ANKRD44: variants seen among roughly 807,000 people sequenced by gnomAD.
ANKRD44 encodes serine/threonine-protein phosphatase 6 regulatory ankyrin repeat subunit B.
ANKRD44 carries 35 observed loss-of-function variants against 116.0 expected under a neutral mutation model. The observed-to-expected ratio is 0.30, with a 90% CI of 0.23 to 0.40. The LOEUF is 0.40. Among genes scored for constraint, ANKRD44 ranks in the 10% least tolerant of loss-of-function variants. The pLI is 1.00. For missense variants in ANKRD44, 1,014 were observed against 1,242.6 expected, an observed-to-expected ratio of 0.82 and a Z score of 2.77; for synonymous variants, 435 against 461.8, an observed-to-expected ratio of 0.94 and a Z score of 0.74.
At chr2:197,039,976 C>T (rs1196179923) in intron 16 of ANKRD44, among the ~76,000 whole-genome samples, 1 of 151,054 alleles carries the variant, frequency 6.6e-6, no homozygotes, top group Non-Finnish European at 1.5e-5. Flanking sequence ...TGCCTATAAT[C>T]CCAGCACTTT....
chr2:197,307,851 A>G (rs1275584848), intron 1 of ANKRD44, among the ~76,000 whole-genome samples: 1 of 152,220 alleles, frequency 6.6e-6, no homozygotes, highest in African/African-American at 2.4e-5. Context: ...GCAAAAATCA[A>G]GATTCACTTC....
intron 4 of ANKRD44, chr2:197,135,881 T>C (rs2079204358): frequency 6.6e-6 from 1 of 152,656 alleles, no homozygotes; most frequent in Non-Finnish European, 1.5e-5. Flanking sequence ...TCTCAAATCA[T>C]GGACTCAGCT....
chr2:197,129,010 T>C (rs1265284836), intron 4 of ANKRD44, among the ~76,000 whole-genome samples: 1 of 152,108 alleles, frequency 6.6e-6, no homozygotes, highest in African/African-American at 2.4e-5. Context: ...CATGAAATTA[T>C]CAAATTGCCC....
chr2:197,234,030 A>C (rs1417806302), intron 1 of ANKRD44, among the ~76,000 whole-genome samples: 1 of 152,192 alleles, frequency 6.6e-6, no homozygotes, highest in East Asian at 1.9e-4. Flanking sequence ...TTAACAAAAA[A>C]CTTAAATAAA....
intron 14 of ANKRD44, among the ~76,000 whole-genome samples, chr2:197,082,954 T>C (rs75802182): frequency 0.041 from 6,175 of 152,352 alleles, 162 homozygotes; most frequent in Middle Eastern, 0.082. Context: ...TTACATGTAC[T>C]AATGCTGAAT....
intron 21 of ANKRD44, among the ~76,000 whole-genome samples, chr2:196,974,880 A>G: frequency 6.6e-6 from 1 of 150,578 alleles, no homozygotes; most frequent in East Asian, 1.9e-4. Context: ...ACAGAGTGAG[A>G]CTCCATCTCA....
intron 1 of ANKRD44, among the ~76,000 whole-genome samples, chr2:197,269,548 G>A (rs1574407183): frequency 6.6e-6 from 1 of 152,210 alleles, no homozygotes; most frequent in South Asian, 2.1e-4. Context: ...GAAAGGAAAA[G>A]AGGGGGCAGG....
rs562142159 is a variant in ANKRD44 at position 197,112,109 on chromosome 2, T to C, written c.907-1265A>G. On this transcript the variant is annotated intron_variant, in intron 8 of 27. Transcript: ENST00000282272. Reference sequence around the variant, plus strand: ...CTGAAAATAGGCCCAAAAGAAAATATTACTGTTATTTTAGAATAAAAGTAT... The same window carrying C: ...CTGAAAATAGGCCCAAAAGAAAATACTACTGTTATTTTAGAATAAAAGTAT... 5.3e-5 allele frequency among the ~76,000 whole-genome samples: 8 copies of C among 152,288 alleles called. No individual in the cohort carries two copies. In the East Asian group the frequency reaches 1.5e-3, roughly 29 times the overall value.
intron 4 of ANKRD44, chr2:197,136,375 G>T: frequency 1.8e-6 from 1 of 569,330 alleles, no homozygotes. Flanking sequence ...TCAGGATCAT[G>T]CTGTCCATGT....
chr2:197,103,426 TA>T (rs1201911454), intron 9 of ANKRD44, among the ~76,000 whole-genome samples: 11 of 152,030 alleles, frequency 7.2e-5, no homozygotes, highest in African/African-American at 2.7e-4. Flanking sequence ...GTTGACTGAC[TA>T]AATAAATGTT....
chr2:196,995,411 G>T lies in ANKRD44; in HGVS notation c.2799C>A (p.Ser933Arg). Reference sequence around the variant, plus strand: ...GTGCATTATTTTTTTCATTAATAAGGCTCTCGTCTTGTATCTTGTCAAGTA... The same window carrying T: ...GTGCATTATTTTTTTCATTAATAAGTCTCTCGTCTTGTATCTTGTCAAGTA... ...LLILDKIQDE[S>R]LINEKNNALQ... Residue 933 changes from serine (S) to arginine (R), a missense_variant, in exon 26 of 28, where the codon AGC becomes AGA. Transcript: ENST00000282272. 1 of 1,611,662 alleles carries T rather than the reference G, an allele frequency of 6.2e-7. No homozygotes were observed. Among genetic ancestry groups the T allele is most frequent in the Non-Finnish European group, 8.5e-7 (1 of 1,178,870 alleles).
intron 2 of ANKRD44, among the ~76,000 whole-genome samples, chr2:197,173,393 A>C (rs576133702): frequency 8.3e-4 from 127 of 152,226 alleles, no homozygotes; most frequent in Non-Finnish European, 1.6e-3. Flanking sequence ...GAGGATATTT[A>C]AATGTGTCCT....
chr2:197,271,066 C>T (rs2082885362), intron 1 of ANKRD44, among the ~76,000 whole-genome samples: 3 of 152,172 alleles, frequency 2.0e-5, no homozygotes, highest in African/African-American at 7.2e-5. Flanking sequence ...CTGCTACTGC[C>T]ATCTTGAAAT....
At chr2:197,182,801 A>G (rs753923150) in intron 2 of ANKRD44, among the ~76,000 whole-genome samples, 25 of 152,226 alleles carry the variant, frequency 1.6e-4, no homozygotes, top group Non-Finnish European at 8.8e-5. Context: ...AAATCTGCAT[A>G]TAAGTGACCT....
At chr2:196,980,180 T>C (rs1210537358) in intron 21 of ANKRD44, among the ~76,000 whole-genome samples, 4 of 152,214 alleles carry the variant, frequency 2.6e-5, no homozygotes, top group African/African-American at 9.6e-5. Flanking sequence ...GAGCCCTTTA[T>C]CATCATTTTT....
chr2:197,105,426 G>A (rs1262476607), intron 9 of ANKRD44, among the ~76,000 whole-genome samples: 1 of 151,950 alleles, frequency 6.6e-6, no homozygotes, highest in Non-Finnish European at 1.5e-5. Flanking sequence ...TTTTTAAAAT[G>A]AATTGTCCAG....
intron 1 of ANKRD44, among the ~76,000 whole-genome samples, chr2:197,217,863 A>T (rs973873202): frequency 2.0e-5 from 3 of 152,244 alleles, no homozygotes; most frequent in East Asian, 1.9e-4. Flanking sequence ...AGAATACACA[A>T]CTCTCACAGA....
At chr2:197,172,562 G>T (rs1465588302) in intron 2 of ANKRD44, among the ~76,000 whole-genome samples, 2 of 152,106 alleles carry the variant, frequency 1.3e-5, no homozygotes, top group Non-Finnish European at 2.9e-5. Context: ...GATCCAGCAG[G>T]GCAGGAACCC....
rs765827260 is a variant in ANKRD44, at chr2:197,007,939, A to C, written c.2013-16T>G. The C allele has an allele frequency of 6.3e-7, 1 of 1,575,846 alleles. No homozygotes were observed. Among genetic ancestry groups the C allele is most frequent in the East Asian group, 2.2e-5 (1 of 44,664 alleles). Reference sequence around the variant, plus strand: ...CAGTGGTGTTCTAGGCAGAGAGATAAAGCAGGCTTTTAAAAAGGAGATTTA... The same window carrying C: ...CAGTGGTGTTCTAGGCAGAGAGATACAGCAGGCTTTTAAAAAGGAGATTTA... On this transcript the variant is annotated splice_polypyrimidine_tract_variant and intron_variant, in intron 19 of 27. Coordinates refer to ENST00000282272, the MANE Select transcript of ANKRD44 (RefSeq NM_001195144.2).
Sources: gnomAD v4.1 joint callset for allele counts (sites outside exome capture counted in the v4.1 genomes callset) on GRCh38, gnomAD v4.1.1 for gene constraint, MANE v1.5 for transcripts, NCBI Gene and HGNC (gene_info 2026-07-23, HGNC 2026-07-21) for gene names.